The following VCL variants were observed in gnomAD, a reference collection of about 807,000 sequenced individuals.
The protein encoded by VCL is vinculin.
Under a neutral mutation model 125.7 loss-of-function variants are expected in VCL, and 47 were observed. The observed-to-expected ratio is 0.37, with a 90% CI of 0.30 to 0.48. VCL has a LOEUF of 0.48. VCL is among the 20% of genes least tolerant of loss of function. VCL has a pLI of 0.99. For synonymous variants in VCL, 458 were observed against 514.6 expected (o/e 0.89, Z 1.49); for missense variants, 1,069 against 1,455.5 (o/e 0.73, Z 4.32).
chr10:74,042,482 C>T (rs1057419224), intron 1 of VCL, among the ~76,000 whole-genome samples: 2 of 152,156 alleles, frequency 1.3e-5, no homozygotes, highest in Non-Finnish European at 2.9e-5. Context: ...TATATCACCA[C>T]CTGCAGGGTG....
chr10:74,041,038 A>G (rs1841085107), intron 1 of VCL, among the ~76,000 whole-genome samples: 1 of 152,100 alleles, frequency 6.6e-6, no homozygotes, highest in African/African-American at 2.4e-5. Flanking sequence ...GTGTAGAGAC[A>G]AGGTCTCACT....
At chr10:74,044,849 G>T (rs1220545713) in intron 2 of VCL, among the ~76,000 whole-genome samples, 1 of 152,050 alleles carries the variant, frequency 6.6e-6, no homozygotes, top group African/African-American at 2.4e-5. Flanking sequence ...CTTAAAAATG[G>T]TTAATTTTAT....
chr10:74,071,214 T>C lies in VCL; in HGVS notation c.499+131T>C. ...ATTGGGCTTTCAGGTGTCTGCTCTG[T>C]TGATGGAGATGATGCTGTGCTTTGA... On this transcript the variant is annotated intron_variant, in intron 4 of 21. Coordinates refer to ENST00000211998, the MANE Select transcript of VCL (RefSeq NM_014000.3). The surrounding 1 kb of genome is among the most constrained non-coding windows in gnomAD (Gnocchi z 4.1). 1.3e-6 allele frequency: 1 copy of C among 793,980 alleles called. No homozygotes were observed. The highest frequency in any genetic ancestry group is 1.5e-5 in the South Asian group (1 of 68,632). 49.2% of individuals were successfully genotyped at this position (793,980 alleles called of 1,614,324 possible).
intron 6 of VCL, among the ~76,000 whole-genome samples, chr10:74,079,738 G>A (rs538607461): frequency 7.2e-5 from 11 of 152,160 alleles, no homozygotes; most frequent in African/African-American, 2.4e-4. Flanking sequence ...CCTTAGACAT[G>A]TTTGTTTTTA....
chr10:74,094,320 A>G lies in VCL; in HGVS notation c.1402A>G (p.Thr468Ala), dbSNP rs778480026. 4 of 1,614,186 alleles carry G rather than the reference A, an allele frequency of 2.5e-6. No homozygotes were observed. The East Asian group carries it at 8.9e-5, about 36-fold the overall frequency. Reference protein sequence around the residue: ...EARALAKQVATALQNLQTKTN... With the variant: ...EARALAKQVAAALQNLQTKTN... Reference sequence around the variant, plus strand: ...TCGAGCCTTGGCCAAACAGGTGGCCACGGCCCTGCAGAACCTGCAGACCAA... The same window carrying G: ...TCGAGCCTTGGCCAAACAGGTGGCCGCGGCCCTGCAGAACCTGCAGACCAA... Residue 468 changes from threonine to alanine, a missense_variant, in exon 11 of 22, where the codon ACG (threonine) becomes GCG (alanine). Physicochemically the swap from Thr to Ala is moderately conservative, Grantham distance 58. Around this residue, in one of 6 missense-constraint regions of VCL, gnomAD observed 760 missense variants for 928.9 expected, o/e 0.82. Coordinates refer to ENST00000211998, the MANE Select transcript of VCL (RefSeq NM_014000.3).
chr10:74,113,506 T>C (rs4746173), intron 19 of VCL, among the ~76,000 whole-genome samples: 2,569 of 152,168 alleles, frequency 0.017, 76 homozygotes, highest in African/African-American at 0.059. Context: ...TAAAGCAACA[T>C]GTTCGTTCAG....
intron 2 of VCL, among the ~76,000 whole-genome samples, chr10:74,067,050 G>T (rs924632339): frequency 1.3e-5 from 2 of 151,996 alleles, no homozygotes; most frequent in Non-Finnish European, 2.9e-5. Context: ...ATTTTATTTT[G>T]TAACTTAAAA....
At position 74,118,820 on chromosome 10, in the gene VCL, C is replaced by T. The variant is rs1170279441; in HGVS notation, c.*651C>T. ...TAGTTTCCCACAATATAAAACTGTA[C>T]TTCACTGTCAGGAAGAAATCACAGA... is the stretch of plus-strand genomic sequence containing the variant. On this transcript the variant is annotated 3_prime_UTR_variant, in exon 22 of 22. Transcript: ENST00000211998. 6.3e-6 allele frequency: 1 copy of T among 157,980 alleles called. No individual in the cohort carries two copies. Among genetic ancestry groups the T allele is most frequent in the Non-Finnish European group, 1.4e-5 (1 of 71,062 alleles). The allele number at this position is 157,980 out of a possible 1,614,324, so 9.8% of individuals were successfully genotyped here.
At chr10:74,117,323 G>A (rs1168368249) in intron 21 of VCL, among the ~76,000 whole-genome samples, 1 of 152,104 alleles carries the variant, frequency 6.6e-6, no homozygotes, top group South Asian at 2.1e-4. Context: ...GGTAAAATAC[G>A]TAGTGTATCA....
chr10:74,013,227 T>C (rs1304725180), intron 1 of VCL, among the ~76,000 whole-genome samples: 1 of 152,156 alleles, frequency 6.6e-6, no homozygotes, highest in Non-Finnish European at 1.5e-5. Context: ...CTTGGTGAAA[T>C]TTAACTGCCA....
At chr10:74,099,874 A>T (rs1404444641) in intron 13 of VCL, among the ~76,000 whole-genome samples, 1 of 152,208 alleles carries the variant, frequency 6.6e-6, no homozygotes, top group African/African-American at 2.4e-5. Flanking sequence ...AATCCAAACA[A>T]GAGGCTGGCG....
chr10:74,092,994 G>A (rs1281852785), intron 10 of VCL, among the ~76,000 whole-genome samples: 3 of 152,128 alleles, frequency 2.0e-5, no homozygotes, highest in East Asian at 1.9e-4. Flanking sequence ...GATACCAAAT[G>A]TATAGTAGTT....
At chr10:74,064,103 A>T (rs1227115731) in intron 2 of VCL, among the ~76,000 whole-genome samples, 1 of 151,922 alleles carries the variant, frequency 6.6e-6, no homozygotes, top group African/African-American at 2.4e-5. Context: ...AGTTCCTACA[A>T]CTCCCCGCTT....
intron 21 of VCL, among the ~76,000 whole-genome samples, chr10:74,115,177 T>G (rs943074943): frequency 6.6e-6 from 1 of 151,932 alleles, no homozygotes; most frequent in African/African-American, 2.4e-5. Flanking sequence ...GGCAGTAAGC[T>G]GTGATTGCAC....
intron 13 of VCL, among the ~76,000 whole-genome samples, chr10:74,100,422 A>C (rs1280329773): frequency 6.6e-6 from 1 of 152,198 alleles, no homozygotes; most frequent in Admixed American, 6.5e-5. Context: ...TTTCCCTTGG[A>C]GGTCAATGGC....
chr10:74,118,517 C>T lies in VCL; in HGVS notation c.*348C>T, dbSNP rs1840346170. 2 of 328,982 alleles carry T rather than the reference C, an allele frequency of 6.1e-6. No individual in the cohort carries two copies. Among genetic ancestry groups the T allele is most frequent in the South Asian group, 2.9e-5 (1 of 34,914 alleles). The allele number at this position is 328,982 out of a possible 1,614,324, so 20.4% of individuals were successfully genotyped here. On this transcript the variant is annotated 3_prime_UTR_variant, in exon 22 of 22. Transcript: ENST00000211998. The stretch of plus-strand genomic sequence containing the variant: ...CTCTGCCCTTGTTCCCTAGGGGACA[C>T]TTCCCTCTGTTTCTCTTTCCTTGGC...
rs971897777 is a variant in VCL at position 74,119,815 on chromosome 10, T to C, written c.*1646T>C. ...TGTATAGTTGCTTGCCTGATATAAA[T>C]GCAATATTAATGCCTTTAAAGTATG... On this transcript the variant is annotated 3_prime_UTR_variant, in exon 22 of 22. Transcript: ENST00000211998. The C allele has an allele frequency of 6.6e-6, 1 of 152,632 alleles. No individual in the cohort carries two copies. The highest frequency in any genetic ancestry group is 1.9e-4 in the East Asian group (1 of 5,196). 9.5% of individuals were successfully genotyped at this position (152,632 alleles called of 1,614,324 possible). A position where few individuals can be genotyped will look rare whatever the true frequency, so the allele number is the denominator to read the frequency against.
intron 1 of VCL, among the ~76,000 whole-genome samples, chr10:74,036,424 A>G (rs1003164972): frequency 3.9e-5 from 6 of 152,072 alleles, no homozygotes; most frequent in African/African-American, 1.4e-4. Context: ...TCTGGTCTCA[A>G]ACTTCTGATC....
chr10:74,077,266 T>TA (rs1275382835), intron 6 of VCL: 26 of 152,668 alleles, frequency 1.7e-4, no homozygotes, highest in African/African-American at 6.3e-4. Context: ...TTTTTTAACC[T>TA]AATGACATCA....
Sources: gnomAD v4.1 joint callset for allele counts (sites outside exome capture counted in the v4.1 genomes callset) on GRCh38, gnomAD v4.1.1 for gene constraint, gnomAD v4.1.1 regional missense constraint, Gnocchi (gnomAD v3.1) non-coding constraint, MANE v1.5 for transcripts, NCBI Gene and HGNC (gene_info 2026-07-23, HGNC 2026-07-21) for gene names.